DAZAP1: variants seen among roughly 807,000 people sequenced by gnomAD.
DAZAP1 encodes DAZ associated protein 1, also known as DAZ-associated protein 1.
Under a neutral mutation model 60.1 loss-of-function variants are expected in DAZAP1, and 6 were observed. The observed-to-expected ratio is 0.10, with a 90% CI of 0.05 to 0.20. DAZAP1 has a LOEUF of 0.20. DAZAP1 is among the 10% of genes least tolerant of loss of function. The pLI is 1.00. For missense variants in DAZAP1, 366 were observed against 560.4 expected (o/e 0.65, Z 3.50); for synonymous variants, 235 against 215.9 (o/e 1.09, Z -0.78).
In DAZAP1 at chr19:1,433,672, C is replaced by A; in HGVS notation, c.1048+982C>A. ...TGTGAGGCGCCCGGTTGGGGCGTGGCGTGTGTCAGCCGCTGCTCTTGGTGG... is the reference window on the plus strand; with the variant it reads ...TGTGAGGCGCCCGGTTGGGGCGTGGAGTGTGTCAGCCGCTGCTCTTGGTGG... On this transcript the variant is annotated intron_variant, in intron 11 of 11. Transcript: ENST00000233078. This position sits in a 1 kb window ranked among gnomAD's most constrained non-coding sequence, Gnocchi z 6.1. 7.5e-7 allele frequency: 1 copy of A among 1,330,902 alleles called. No homozygotes were observed. Among genetic ancestry groups the A allele is most frequent in the Non-Finnish European group, 1.1e-6 (1 of 928,124 alleles). The allele number at this position is 1,330,902 out of a possible 1,614,324, so 82.4% of individuals were successfully genotyped here.
Position 1,434,010 on chromosome 19 carries a change from C to T in DAZAP1, c.1049-727C>T, listed in dbSNP as rs79715544. ...CCCAGGATCCCCCAGAGAGAGCCCA[C>T]GCCCACCTGTGCCCACGTGCACCCG... On this transcript the variant is annotated intron_variant, in intron 11 of 11. Transcript: ENST00000233078. This position sits in a 1 kb window ranked among gnomAD's most constrained non-coding sequence, Gnocchi z 8.0. The T allele has an allele frequency of 6.5e-3, 3,966 of 612,104 alleles. 118 individuals carry two copies. The East Asian group carries it at 0.073, about 11-fold the overall frequency. The allele number at this position is 612,104 out of a possible 1,614,324, so 37.9% of individuals were successfully genotyped here. A position where few individuals can be genotyped will look rare whatever the true frequency, so the allele number is the denominator to read the frequency against.
chr19:1,410,315 C>T (rs1235350589), intron 1 of DAZAP1, among the ~76,000 whole-genome samples: 2 of 152,094 alleles, frequency 1.3e-5, no homozygotes, highest in East Asian at 1.9e-4. Flanking sequence ...GGGAGTCCCT[C>T]TCTGGATCCT....
At position 1,423,585 on chromosome 19, in the gene DAZAP1, C is replaced by T. The variant is rs1411109797; in HGVS notation, c.463+1189C>T. On this transcript the variant is annotated intron_variant, in intron 6 of 11. Coordinates refer to ENST00000233078, the MANE Select transcript of DAZAP1 (RefSeq NM_018959.4). The surrounding 1 kb of genome is among the most constrained non-coding windows in gnomAD (Gnocchi z 6.8). ...TCTTGACAGCCGCATTCCTAGACAG[C>T]GCTCAGGGCGCCTCCCCCAGGACCC... Among the ~76,000 whole-genome samples the T allele has an allele frequency of 3.3e-5, 5 of 152,232 alleles. No homozygotes were observed. The highest frequency in any genetic ancestry group is 5.9e-5 in the Non-Finnish European group (4 of 68,040).
intron 5 of DAZAP1, among the ~76,000 whole-genome samples, chr19:1,421,519 A>C (rs776431382): frequency 9.2e-5 from 14 of 152,222 alleles, no homozygotes; most frequent in Non-Finnish European, 1.8e-4. Flanking sequence ...GCCCGATTCC[A>C]TTGTGAACAC....
rs751903558 is a variant in DAZAP1 at position 1,432,681 on chromosome 19, G to C, written c.1039G>C (p.Gly347Arg). 6.2e-7 allele frequency: 1 copy of C among 1,604,322 alleles called. No individual in the cohort carries two copies. Among genetic ancestry groups the C allele is most frequent in the Non-Finnish European group, 8.5e-7 (1 of 1,174,968 alleles). ...GACAGCTCAGCCAGACTTCCCCTAT[G>C]GTCAGTATGGTAAGTGGTCTCCTGC... ...PPTAQPDFPY[G>R]QYAGYGQDLS... The change falls in exon 11 of 12, where the codon GGT (glycine) becomes CGT (arginine). Residue 347 changes from glycine to arginine, a missense_variant. Gly to Arg is a moderately radical substitution (Grantham distance 125, BLOSUM62 -2). Transcript: ENST00000233078. The surrounding 1 kb of genome is among the most constrained non-coding windows in gnomAD (Gnocchi z 4.9).
intron 10 of DAZAP1, among the ~76,000 whole-genome samples, chr19:1,431,012 C>T (rs912189561): frequency 5.9e-5 from 9 of 151,654 alleles, no homozygotes; most frequent in Admixed American, 2.6e-4. Context: ...TGAGTGACTG[C>T]GCCCAGCCTC....
Position 1,428,817 on chromosome 19 carries a change from C to G in DAZAP1, c.547-25C>G, listed in dbSNP as rs756490830. 5.0e-6 allele frequency: 8 copies of G among 1,611,864 alleles called. No homozygotes were observed. The highest frequency in any genetic ancestry group is 6.8e-6 in the Non-Finnish European group (8 of 1,179,538). On this transcript the variant is annotated intron_variant, in intron 7 of 11. Transcript: ENST00000233078. The surrounding 1 kb of genome is among the most constrained non-coding windows in gnomAD (Gnocchi z 4.0). ...GGGTGCTGGGACCCGCAGCCTCGCC[C>G]TAAACCAGAGCTCGGTTTGTTTAGG...
At chr19:1,429,273 C>T (rs985413934) in intron 8 of DAZAP1, among the ~76,000 whole-genome samples, 5 of 152,366 alleles carry the variant, frequency 3.3e-5, no homozygotes, top group Non-Finnish European at 5.9e-5. Context: ...GTCTGCACCT[C>T]GCGACCGTGT....
At position 1,422,353 on chromosome 19, in the gene DAZAP1, G is replaced by A. The variant is rs1024529709; in HGVS notation, c.420G>A (p.Thr140=). ...REYFKKFGVV[T]EVVMIYDAEK... is the part of the protein sequence containing the mutation. ...ACGCCACCCTCTCCTTCCAGGTCACGGAGGTAGTCATGATCTATGACGCCG... is the reference window on the plus strand; with the variant it reads ...ACGCCACCCTCTCCTTCCAGGTCACAGAGGTAGTCATGATCTATGACGCCG... The change falls in exon 6 of 12, where the codon ACG becomes ACA. Residue 140 remains threonine (T), a synonymous_variant. Transcript: ENST00000233078. The surrounding 1 kb of genome is among the most constrained non-coding windows in gnomAD (Gnocchi z 4.5). 9.9e-6 allele frequency: 16 copies of A among 1,613,982 alleles called. No homozygotes were observed. Among genetic ancestry groups the A allele is most frequent in the African/African-American group, 4.0e-5 (3 of 74,932 alleles).
chr19:1,424,928 A>G (rs550854811), intron 6 of DAZAP1, among the ~76,000 whole-genome samples: 2 of 150,792 alleles, frequency 1.3e-5, no homozygotes, highest in East Asian at 4.0e-4. Context: ...AGCCCGGCGC[A>G]CTCCTGCGCC....
intron 10 of DAZAP1, among the ~76,000 whole-genome samples, chr19:1,431,849 G>T (rs1321688820): frequency 6.6e-6 from 1 of 152,302 alleles, no homozygotes; most frequent in Non-Finnish European, 1.5e-5. Flanking sequence ...GATTTCACCT[G>T]CGGGCCCTGG....
chr19:1,428,728 A>T lies in DAZAP1; in HGVS notation c.547-114A>T. The T allele has an allele frequency of 1.6e-6, 2 of 1,232,422 alleles. No homozygotes were observed. The highest frequency in any genetic ancestry group is 2.3e-6 in the Non-Finnish European group (2 of 879,376). The allele number at this position is 1,232,422 out of a possible 1,614,324, so 76.3% of individuals were successfully genotyped here. ...AAATAAGGTTTATAGTTAAGTATTTAGTCTTAAGTTGTAAGATGCTAAGTG... is the reference window on the plus strand; with the variant it reads ...AAATAAGGTTTATAGTTAAGTATTTTGTCTTAAGTTGTAAGATGCTAAGTG... On this transcript the variant is annotated intron_variant, in intron 7 of 11. Coordinates refer to ENST00000233078, the MANE Select transcript of DAZAP1 (RefSeq NM_018959.4). The surrounding 1 kb of genome is among the most constrained non-coding windows in gnomAD (Gnocchi z 4.0).
chr19:1,434,648 C>A lies in DAZAP1; in HGVS notation c.1049-89C>A. 1 of 1,437,254 alleles carries A rather than the reference C, an allele frequency of 7.0e-7. No individual in the cohort carries two copies. Among genetic ancestry groups the A allele is most frequent in the Non-Finnish European group, 9.6e-7 (1 of 1,041,894 alleles). 89.0% of individuals were successfully genotyped at this position (1,437,254 alleles called of 1,614,324 possible). On this transcript the variant is annotated intron_variant, in intron 11 of 11. Coordinates refer to ENST00000233078, the MANE Select transcript of DAZAP1 (RefSeq NM_018959.4). The surrounding 1 kb of genome is among the most constrained non-coding windows in gnomAD (Gnocchi z 8.0). ...GTGGGACCCGTGGACTCAAGGCAGGCTCGGCGGAGCTGTGTCCAGGTGGCC... is the reference window on the plus strand; with the variant it reads ...GTGGGACCCGTGGACTCAAGGCAGGATCGGCGGAGCTGTGTCCAGGTGGCC...
In DAZAP1 at chr19:1,411,044, C is replaced by T. The variant is rs73920454; in HGVS notation, c.29+3242C>T. 9.2e-3 allele frequency among the ~76,000 whole-genome samples: 1,396 copies of T among 152,282 alleles called. 28 individuals are homozygous for T. Among genetic ancestry groups the T allele is most frequent in the African/African-American group, 0.032 (1,333 of 41,550 alleles). On this transcript the variant is annotated intron_variant, in intron 1 of 11. Transcript: ENST00000233078. ...CCTGAGTGGGGCTCCTGGCTGGGCCCCTAGAGGCCGTGACTACTTGTACCT... is the reference window on the plus strand; with the variant it reads ...CCTGAGTGGGGCTCCTGGCTGGGCCTCTAGAGGCCGTGACTACTTGTACCT...
Position 1,432,948 on chromosome 19 carries a change from C to G in DAZAP1, c.1048+258C>G. Reference sequence around the variant, plus strand: ...CTGCAGGGCCTGCATGTGTGGGAACCTGAGTGGCGACTGGGTCGAGGGAAG... The same window carrying G: ...CTGCAGGGCCTGCATGTGTGGGAACGTGAGTGGCGACTGGGTCGAGGGAAG... On this transcript the variant is annotated intron_variant, in intron 11 of 11. Transcript: ENST00000233078. This position sits in a 1 kb window ranked among gnomAD's most constrained non-coding sequence, Gnocchi z 4.9. The G allele has an allele frequency of 4.1e-6, 2 of 489,160 alleles. No homozygotes were observed. Among genetic ancestry groups the G allele is most frequent in the Non-Finnish European group, 7.3e-6 (2 of 275,820 alleles). 30.3% of individuals were successfully genotyped at this position (489,160 alleles called of 1,614,324 possible).
chr19:1,431,319 CAG>C (rs1396581495), intron 10 of DAZAP1, among the ~76,000 whole-genome samples: 1 of 146,590 alleles, frequency 6.8e-6, no homozygotes, highest in Non-Finnish European at 1.5e-5. Context: ...TTAGTAGAGA[CAG>C]GGTTTCACCG....
chr19:1,424,238 C>T (rs962004633), intron 6 of DAZAP1, among the ~76,000 whole-genome samples: 8 of 151,962 alleles, frequency 5.3e-5, no homozygotes, highest in African/African-American at 9.7e-5. Flanking sequence ...CTGCCTCGTT[C>T]GCCTCTCAGT....
At chr19:1,417,373 C>A in intron 1 of DAZAP1, 127 bp from the exon 2 acceptor site, 1 of 1,017,254 alleles carries the variant, frequency 9.8e-7, no homozygotes, top group Non-Finnish European at 1.5e-6. Flanking sequence ...TGTATGCCGT[C>A]ACGTGCACAA....
At chr19:1,408,093 G>T (rs1254104126) in intron 1 of DAZAP1, among the ~76,000 whole-genome samples, 1 of 151,658 alleles carries the variant, frequency 6.6e-6, no homozygotes, top group East Asian at 1.9e-4. Context: ...CAGACTTCCT[G>T]GTCGGGGGAA....
Sources: gnomAD v4.1 joint callset for allele counts (sites outside exome capture counted in the v4.1 genomes callset) on GRCh38, gnomAD v4.1.1 for gene constraint, Gnocchi (gnomAD v3.1) non-coding constraint, MANE v1.5 for transcripts, NCBI Gene and HGNC (gene_info 2026-07-23, HGNC 2026-07-21) for gene names.